SLC25A21: variants seen among roughly 807,000 people sequenced by gnomAD.
SLC25A21 encodes the protein solute carrier family 25 member 21, also known as mitochondrial 2-oxodicarboxylate carrier.
Under a neutral mutation model 43.8 loss-of-function variants are expected in SLC25A21, and 47 were observed. That is an observed-to-expected ratio of 1.07 (90% CI 0.85 to 1.37). The LOEUF (loss-of-function observed/expected upper bound fraction) is 1.37, where lower values mean the gene tolerates loss of function less well. Ranked by LOEUF, SLC25A21 falls within the 40% of genes most tolerant of loss-of-function variation. The pLI, the probability that SLC25A21 is intolerant of heterozygous loss-of-function variation, is 0.00. For missense variants in SLC25A21, 352 were observed against 350.2 expected (o/e 1.00, Z -0.04); for synonymous variants, 131 against 121.3 (o/e 1.08, Z -0.52).
At chr14:37,118,814 G>A (rs1158658908) in intron 1 of SLC25A21, among the ~76,000 whole-genome samples, 1 of 151,832 alleles carries the variant, frequency 6.6e-6, no homozygotes, top group East Asian at 1.9e-4. Flanking sequence ...TAATTTAAAG[G>A]TTTTTTCAGA....
At chr14:36,820,534 C>T (rs901828740) in intron 2 of SLC25A21, among the ~76,000 whole-genome samples, 1 of 152,102 alleles carries the variant, frequency 6.6e-6, no homozygotes, top group African/African-American at 2.4e-5. Context: ...TGGGAGCCAC[C>T]GGTTATAATT....
intron 1 of SLC25A21, among the ~76,000 whole-genome samples, chr14:36,933,547 A>C (rs1892346312): frequency 6.6e-6 from 1 of 152,192 alleles, no homozygotes; most frequent in South Asian, 2.1e-4. Flanking sequence ...AAAAGATGCA[A>C]GCCCTCAAAG....
At chr14:36,908,463 C>T (rs1047611392) in intron 1 of SLC25A21, among the ~76,000 whole-genome samples, 3 of 152,130 alleles carry the variant, frequency 2.0e-5, no homozygotes, top group Non-Finnish European at 4.4e-5. Context: ...GGATAAAACA[C>T]TAAATGAGAT....
intron 3 of SLC25A21, among the ~76,000 whole-genome samples, chr14:36,783,096 T>C (rs1482358447): frequency 6.6e-6 from 1 of 151,214 alleles, no homozygotes; most frequent in Non-Finnish European, 1.5e-5. Flanking sequence ...TTCTCTAGGG[T>C]GGTGCCCTGA....
At chr14:37,007,073 T>C (rs896330041) in intron 1 of SLC25A21, among the ~76,000 whole-genome samples, 1 of 152,212 alleles carries the variant, frequency 6.6e-6, no homozygotes, top group Non-Finnish European at 1.5e-5. Flanking sequence ...ATTAAGATAT[T>C]AGAAGGATAG....
intron 2 of SLC25A21, among the ~76,000 whole-genome samples, chr14:36,864,813 T>C (rs563171180): frequency 6.6e-6 from 1 of 152,278 alleles, no homozygotes; most frequent in African/African-American, 2.4e-5. Context: ...CTATCCATGG[T>C]GAGAAATCAG....
intron 1 of SLC25A21, among the ~76,000 whole-genome samples, chr14:37,013,297 C>T (rs1327710964): frequency 6.6e-6 from 1 of 152,048 alleles, no homozygotes; most frequent in African/African-American, 2.4e-5. Flanking sequence ...TGTGTCTAAT[C>T]CCCAGTGTCC....
intron 7 of SLC25A21, among the ~76,000 whole-genome samples, chr14:36,696,493 C>A (rs1219059836): frequency 6.6e-6 from 1 of 152,126 alleles, no homozygotes; most frequent in African/African-American, 2.4e-5. Flanking sequence ...GTACCAGCTC[C>A]TCTTTGTACC....
chr14:36,732,086 A>G (rs1884849511), intron 4 of SLC25A21, among the ~76,000 whole-genome samples: 1 of 152,098 alleles, frequency 6.6e-6, no homozygotes, highest in African/African-American at 2.4e-5. Flanking sequence ...CCAGGAGTGG[A>G]AGTCTTGGCC....
chr14:36,894,864 C>A (rs1419427895), intron 1 of SLC25A21, among the ~76,000 whole-genome samples: 1 of 152,038 alleles, frequency 6.6e-6, no homozygotes, highest in Admixed American at 6.5e-5. Context: ...GTATGTTGAA[C>A]CAGCCTTGCA....
At chr14:37,156,403 C>T (rs902523677) in intron 1 of SLC25A21, among the ~76,000 whole-genome samples, 1 of 151,948 alleles carries the variant, frequency 6.6e-6, no homozygotes, top group African/African-American at 2.4e-5. Flanking sequence ...ATGACAGGAA[C>T]AAAGCCTCAC....
chr14:36,826,802 G>A (rs751064112), intron 2 of SLC25A21, among the ~76,000 whole-genome samples: 47 of 152,232 alleles, frequency 3.1e-4, no homozygotes, highest in African/African-American at 9.6e-4. Flanking sequence ...GGAGTCATAC[G>A]GCCTCCATTT....
chr14:37,160,797 G>A (rs1963926546), intron 1 of SLC25A21, among the ~76,000 whole-genome samples: 1 of 151,950 alleles, frequency 6.6e-6, no homozygotes, highest in East Asian at 1.9e-4. Context: ...GGGCCTGGTA[G>A]CATGTGCCTG....
At chr14:36,954,171 G>GC (rs1272047792) in intron 1 of SLC25A21, among the ~76,000 whole-genome samples, 1 of 152,104 alleles carries the variant, frequency 6.6e-6, no homozygotes, top group African/African-American at 2.4e-5. Context: ...CAATCTTGAT[G>GC]CATCATCCCC....
At chr14:36,953,856 T>A (rs567418190) in intron 1 of SLC25A21, among the ~76,000 whole-genome samples, 1 of 152,294 alleles carries the variant, frequency 6.6e-6, no homozygotes, top group South Asian at 2.1e-4. Context: ...TATTAGATAT[T>A]TAATACATGC....
intron 3 of SLC25A21, among the ~76,000 whole-genome samples, chr14:36,772,171 G>C (rs755762162): frequency 6.6e-6 from 1 of 152,150 alleles, no homozygotes; most frequent in Non-Finnish European, 1.5e-5. Context: ...AGCCTACATA[G>C]GAAGTGAAAA....
chr14:37,082,087 A>G (rs1418979635), intron 1 of SLC25A21, among the ~76,000 whole-genome samples: 10 of 152,236 alleles, frequency 6.6e-5, no homozygotes, highest in Non-Finnish European at 1.2e-4. Context: ...TTGCAGCAAC[A>G]TGGATGGGGT....
chr14:36,897,911 G>A (rs142033947), intron 1 of SLC25A21, among the ~76,000 whole-genome samples: 3 of 152,206 alleles, frequency 2.0e-5, no homozygotes, highest in African/African-American at 7.2e-5. Context: ...TCTCAGAGGA[G>A]TACCTGGCCG....
Position 37,054,570 on chromosome 14 carries a change from A to T in SLC25A21, c.70+117711T>A, listed in dbSNP as rs560608676. On this transcript the variant is annotated intron_variant, in intron 1 of 9. Coordinates refer to ENST00000331299, the MANE Select transcript of SLC25A21 (RefSeq NM_030631.4). ...AGTGGCAGAGGCTGGAAGAGCCTCA[A>T]GGAGAGTGGTAGTGGCATATGAAGG... is the stretch of plus-strand genomic sequence containing the variant. 4.6e-5 allele frequency among the ~76,000 whole-genome samples: 7 copies of T among 152,302 alleles called. No individual in the cohort carries two copies. In the East Asian group the frequency reaches 1.4e-3, roughly 29 times the overall value.
Sources: allele counts gnomAD v4.1 joint callset (sites outside exome capture counted in the v4.1 genomes callset), GRCh38; gene constraint gnomAD v4.1.1; transcripts MANE v1.5; gene names NCBI Gene and HGNC (gene_info 2026-07-23, HGNC 2026-07-21).